The following SPP2 variants were observed in gnomAD, a reference collection of about 807,000 sequenced individuals.
SPP2 encodes the protein secreted phosphoprotein 2.
In SPP2, 34 loss-of-function variants were observed where a neutral mutation model predicts 28.8. The observed-to-expected ratio is 1.18, with a 90% CI of 0.90 to 1.57. SPP2 has a LOEUF of 1.57. Ranked by LOEUF, SPP2 falls within the 40% of genes most tolerant of loss-of-function variation. The pLI, the probability that SPP2 is intolerant of heterozygous loss-of-function variation, is 0.00. For missense variants in SPP2, 269 were observed against 263.9 expected (o/e 1.02, Z -0.13); for synonymous variants, 96 against 89.4 (o/e 1.07, Z -0.42).
intron 4 of SPP2, among the ~76,000 whole-genome samples, chr2:234,065,034 T>C (rs1294531585): frequency 6.6e-6 from 1 of 152,234 alleles, no homozygotes; most frequent in Non-Finnish European, 1.5e-5. Flanking sequence ...TGTGTACACA[T>C]GTATTTAATT....
Position 234,060,405 on chromosome 2 carries a change from G to C in SPP2, c.370G>C (p.Ala124Pro). ...TTGCAGAAGCACCGTGAAGGTATCT[G>C]CCCAGCAGGTGCAGGGCGTGCATGC... ...AVCRSTVKVS[A>P]QQVQGVHARC... The change falls in exon 4 of 8, where the codon GCC (alanine) becomes CCC (proline). Residue 124 changes from alanine to proline, a missense_variant. Transcript: ENST00000168148. 1 of 1,613,952 alleles carries C rather than the reference G, an allele frequency of 6.2e-7. No individual in the cohort carries two copies. Among genetic ancestry groups the C allele is most frequent in the Non-Finnish European group, 8.5e-7 (1 of 1,179,966 alleles).
At chr2:234,070,208 T>C (rs1049163172) in intron 7 of SPP2, among the ~76,000 whole-genome samples, 185 bp downstream of exon 7, 2 of 152,214 alleles carry the variant, frequency 1.3e-5, no homozygotes, top group Non-Finnish European at 2.9e-5. Flanking sequence ...CCTCAATCTT[T>C]TTCCCATGAC....
At chr2:234,059,223 G>T (rs1337534098) in intron 3 of SPP2, among the ~76,000 whole-genome samples, 2 of 152,042 alleles carry the variant, frequency 1.3e-5, no homozygotes, top group Non-Finnish European at 2.9e-5. Context: ...GGATGAATTT[G>T]TATCAGGTAA....
intron 4 of SPP2, among the ~76,000 whole-genome samples, chr2:234,062,869 A>G (rs1461745582): frequency 1.3e-5 from 2 of 152,106 alleles, no homozygotes; most frequent in African/African-American, 2.4e-5. Flanking sequence ...AGTGAAGACC[A>G]CTCTCTTTTC....
chr2:234,051,196 A>G, intron 2 of SPP2, 101 bp downstream of exon 2: 1 of 1,431,686 alleles, frequency 7.0e-7, no homozygotes, highest in Non-Finnish European at 9.5e-7. Flanking sequence ...CAGTTTAAAA[A>G]TGATAGTAGC....
intron 4 of SPP2, among the ~76,000 whole-genome samples, chr2:234,063,335 C>T (rs1693756742): frequency 6.6e-6 from 1 of 151,832 alleles, no homozygotes; most frequent in African/African-American, 2.4e-5. Context: ...AGAAGAATTT[C>T]CAGAGTAAGG....
intron 2 of SPP2, among the ~76,000 whole-genome samples, chr2:234,057,092 G>T (rs968027682): frequency 6.6e-6 from 1 of 152,042 alleles, no homozygotes; most frequent in African/African-American, 2.4e-5. Flanking sequence ...GGATCCTGGG[G>T]GTGTTGTCAG....
Position 234,060,426 on chromosome 2 carries a change from C to T in SPP2, c.391C>T (p.His131Tyr). The T allele has an allele frequency of 6.8e-6, 11 of 1,613,700 alleles. No individual in the cohort carries two copies. Among genetic ancestry groups the T allele is most frequent in the Non-Finnish European group, 9.3e-6 (11 of 1,179,864 alleles). The change falls in exon 4 of 8, where the codon CAT becomes TAT. Residue 131 changes from histidine (H) to tyrosine (Y), a missense_variant. By Grantham distance (83) the His-to-Tyr change is moderately conservative. Coordinates refer to ENST00000168148, the MANE Select transcript of SPP2 (RefSeq NM_006944.3). ...ATCTGCCCAGCAGGTGCAGGGCGTG[C>T]ATGCTCGCTGCAGCTGGTCCTCCTC... is the stretch of plus-strand genomic sequence containing the variant. ...KVSAQQVQGV[H>Y]ARCSWSSSTS...
chr2:234,065,734 G>T (rs1319305936), intron 4 of SPP2, among the ~76,000 whole-genome samples: 1 of 151,782 alleles, frequency 6.6e-6, no homozygotes, highest in Non-Finnish European at 1.5e-5. Context: ...CCCCTCTATG[G>T]GTTGTCTTTT....
intron 4 of SPP2, among the ~76,000 whole-genome samples, chr2:234,064,541 T>A (rs1198787737): frequency 6.6e-6 from 1 of 152,200 alleles, no homozygotes; most frequent in Non-Finnish European, 1.5e-5. Context: ...GATGTTTTGA[T>A]ACCCCCCTTT....
At chr2:234,057,377 T>C (rs550540077) in intron 2 of SPP2, among the ~76,000 whole-genome samples, 1 of 152,324 alleles carries the variant, frequency 6.6e-6, no homozygotes, top group Admixed American at 6.5e-5. Context: ...CCCCAGGGCA[T>C]TGGCTCTGCT....
chr2:234,069,879 A>G, intron 6 of SPP2, 49 bp from the exon 7 acceptor site: 1 of 1,421,998 alleles, frequency 7.0e-7, no homozygotes, highest in Non-Finnish European at 9.9e-7. Context: ...ACACTGTCTC[A>G]GATCTTGATG....
At chr2:234,052,711 C>T (rs939003424) in intron 2 of SPP2, among the ~76,000 whole-genome samples, 2 of 152,192 alleles carry the variant, frequency 1.3e-5, no homozygotes, top group South Asian at 4.1e-4. Flanking sequence ...TGGAGGTCTG[C>T]CTATTCTTGC....
intron 5 of SPP2, 67 bp from the exon 6 acceptor site, chr2:234,067,157 A>T: frequency 7.0e-7 from 1 of 1,421,236 alleles, no homozygotes; most frequent in South Asian, 1.2e-5. Context: ...TGGCATTAAC[A>T]GTAAAGTCAT....
At chr2:234,074,020 G>A (rs1165476624) in intron 7 of SPP2, among the ~76,000 whole-genome samples, 2 of 152,066 alleles carry the variant, frequency 1.3e-5, no homozygotes, top group Non-Finnish European at 2.9e-5. Flanking sequence ...CATAAACCTT[G>A]GAACAATCAA....
At chr2:234,073,264 T>C (rs1264880886) in intron 7 of SPP2, among the ~76,000 whole-genome samples, 1 of 152,254 alleles carries the variant, frequency 6.6e-6, no homozygotes, top group Non-Finnish European at 1.5e-5. Flanking sequence ...TTATTAATGA[T>C]ATGTCTATAC....
Position 234,060,409 on chromosome 2 carries a change from A to C in SPP2, c.374A>C (p.Gln125Pro), listed in dbSNP as rs772225535. Residue 125 changes from glutamine (Q) to proline (P), a missense_variant, in exon 4 of 8, where the codon CAG becomes CCG. Coordinates refer to ENST00000168148, the MANE Select transcript of SPP2 (RefSeq NM_006944.3). ...VCRSTVKVSA[Q>P]QVQGVHARCS... ...AGAAGCACCGTGAAGGTATCTGCCC[A>C]GCAGGTGCAGGGCGTGCATGCTCGC... 23 of 1,613,872 alleles carry C rather than the reference A, an allele frequency of 1.4e-5. No homozygotes were observed. Among genetic ancestry groups the C allele is most frequent in the Non-Finnish European group, 1.8e-5 (21 of 1,179,962 alleles).
intron 6 of SPP2, 81 bp downstream of exon 6, chr2:234,067,355 T>C (rs940203599): frequency 4.6e-6 from 6 of 1,290,724 alleles, no homozygotes; most frequent in Non-Finnish European, 6.7e-6. Flanking sequence ...TTCATAGCTG[T>C]TTCCTGTTTC....
At chr2:234,063,713 G>A (rs983677959) in intron 4 of SPP2, among the ~76,000 whole-genome samples, 1 of 152,158 alleles carries the variant, frequency 6.6e-6, no homozygotes, top group Non-Finnish European at 1.5e-5. Context: ...TGCTGAAATG[G>A]TACAATGTAT....
Sources: gnomAD v4.1 joint callset for allele counts (sites outside exome capture counted in the v4.1 genomes callset) on GRCh38, gnomAD v4.1.1 for gene constraint, MANE v1.5 for transcripts, NCBI Gene and HGNC (gene_info 2026-07-23, HGNC 2026-07-21) for gene names.